The following LGR5 variants were observed in gnomAD, a reference collection of about 807,000 sequenced individuals.
LGR5 encodes leucine rich repeat containing G protein-coupled receptor 5, also known as leucine-rich repeat-containing G protein-coupled receptor 5.
Under a neutral mutation model 76.7 loss-of-function variants are expected in LGR5, and 54 were observed. The ratio of observed to expected loss-of-function variants is 0.70; its 90% CI spans 0.57 to 0.88. The LOEUF (loss-of-function observed/expected upper bound fraction) is 0.88, where lower values mean the gene tolerates loss of function less well. Among genes scored for constraint, LGR5 ranks in the 40% least tolerant of loss-of-function variants. The pLI, the probability that LGR5 is intolerant of heterozygous loss-of-function variation, is 0.00. For missense variants in LGR5, 1,078 were observed against 1,073.3 expected, an observed-to-expected ratio of 1.00 and a Z score of -0.06; for synonymous variants, 406 against 421.9, an observed-to-expected ratio of 0.96 and a Z score of 0.46.
intron 16 of LGR5, chr12:71,582,171 T>C: frequency 3.0e-6 from 1 of 328,080 alleles, no homozygotes; most frequent in Non-Finnish European, 5.8e-6. Flanking sequence ...CTCTGCAATG[T>C]GGGGACATCA....
At chr12:71,549,172 ACCAC>A (rs1235719954) in intron 4 of LGR5, among the ~76,000 whole-genome samples, 1 of 152,220 alleles carries the variant, frequency 6.6e-6, no homozygotes, top group Non-Finnish European at 1.5e-5. Context: ...TTGTGGAAGA[ACCAC>A]CTGTGTGAGT....
intron 4 of LGR5, among the ~76,000 whole-genome samples, chr12:71,538,393 A>G (rs140809800): frequency 1.5e-3 from 222 of 152,190 alleles, no homozygotes; most frequent in Non-Finnish European, 2.6e-3. Context: ...GCCTGCGCCT[A>G]TAATCCCAGC....
At chr12:71,451,846 A>T (rs1401567406) in intron 1 of LGR5, among the ~76,000 whole-genome samples, 2 of 152,164 alleles carry the variant, frequency 1.3e-5, no homozygotes, top group Admixed American at 1.3e-4. Context: ...TGGAGATAGC[A>T]AATGATTTTC....
chr12:71,515,798 T>C (rs1416266600), intron 2 of LGR5, among the ~76,000 whole-genome samples: 1 of 152,238 alleles, frequency 6.6e-6, no homozygotes, highest in Non-Finnish European at 1.5e-5. Flanking sequence ...AGTAGTCTGA[T>C]GAAATGTTTT....
At chr12:71,487,034 G>T (rs1457879431) in intron 1 of LGR5, among the ~76,000 whole-genome samples, 2 of 152,098 alleles carry the variant, frequency 1.3e-5, no homozygotes, top group African/African-American at 4.8e-5. Flanking sequence ...GACCATTTAG[G>T]TGGAAAACCT....
intron 2 of LGR5, among the ~76,000 whole-genome samples, chr12:71,514,018 G>A (rs577563962): frequency 1.5e-4 from 23 of 152,090 alleles, no homozygotes; most frequent in Non-Finnish European, 5.9e-5. Flanking sequence ...AGAGTGGTGC[G>A]TACCTGTAGT....
intron 2 of LGR5, among the ~76,000 whole-genome samples, chr12:71,513,342 A>G (rs1178001733): frequency 6.6e-6 from 1 of 152,180 alleles, no homozygotes; most frequent in East Asian, 1.9e-4. Context: ...GCAATGGGCA[A>G]TGGTTTTCTG....
In LGR5 at chr12:71,586,248, A is replaced by C. The variant is rs1177429392; in HGVS notation, c.*1514A>C. ...TATATAGTACTTGTAAATAGATTCC[A>C]AATTTGCTTTTCTATTGGGTAAAAA... On this transcript the variant is annotated 3_prime_UTR_variant, in exon 18 of 18. Coordinates refer to ENST00000266674, the MANE Select transcript of LGR5 (RefSeq NM_003667.4). 6.6e-6 allele frequency: 1 copy of C among 152,166 alleles called. No homozygotes were observed. Among genetic ancestry groups the C allele is most frequent in the African/African-American group, 2.4e-5 (1 of 41,440 alleles). The allele number at this position is 152,166 out of a possible 1,614,324, so 9.4% of individuals were successfully genotyped here.
chr12:71,453,921 G>A (rs962505480), intron 1 of LGR5, among the ~76,000 whole-genome samples: 15 of 152,044 alleles, frequency 9.9e-5, no homozygotes, highest in African/African-American at 3.6e-4. Context: ...ATCATTCCCT[G>A]AGAATAGTAG....
intron 3 of LGR5, among the ~76,000 whole-genome samples, chr12:71,525,743 A>G (rs1042216143): frequency 6.6e-6 from 1 of 151,746 alleles, no homozygotes. Flanking sequence ...TCCAGACATC[A>G]AATTATACTT....
At chr12:71,451,886 A>G (rs1299840833) in intron 1 of LGR5, among the ~76,000 whole-genome samples, 2 of 152,020 alleles carry the variant, frequency 1.3e-5, no homozygotes, top group South Asian at 4.2e-4. Flanking sequence ...ATGCAAACCA[A>G]CCAATCCAAA....
chr12:71,538,815 G>A (rs185807391), intron 4 of LGR5, among the ~76,000 whole-genome samples: 1 of 152,226 alleles, frequency 6.6e-6, no homozygotes, highest in East Asian at 1.9e-4. Flanking sequence ...CTATGATCCT[G>A]CCACTGCACT....
intron 1 of LGR5, among the ~76,000 whole-genome samples, chr12:71,481,951 C>T (rs984601082): frequency 2.6e-5 from 4 of 152,140 alleles, no homozygotes; most frequent in African/African-American, 9.7e-5. Context: ...AGATGCAGCG[C>T]ATCACTTTAG....
chr12:71,463,616 T>G (rs1394322075), intron 1 of LGR5, among the ~76,000 whole-genome samples: 1 of 152,168 alleles, frequency 6.6e-6, no homozygotes, highest in Non-Finnish European at 1.5e-5. Flanking sequence ...CAATGATGAT[T>G]ATTTAAGTCC....
chr12:71,556,408 G>C (rs538339080), intron 5 of LGR5, among the ~76,000 whole-genome samples: 1 of 152,182 alleles, frequency 6.6e-6, no homozygotes, highest in South Asian at 2.1e-4. Context: ...ATGTCCTGAA[G>C]CTAAAAGGTA....
At chr12:71,538,724 T>C (rs902317192) in intron 4 of LGR5, among the ~76,000 whole-genome samples, 4 of 151,622 alleles carry the variant, frequency 2.6e-5, no homozygotes, top group African/African-American at 9.7e-5. Flanking sequence ...CTGGGCGTCA[T>C]GTGCATGACT....
intron 1 of LGR5, among the ~76,000 whole-genome samples, chr12:71,473,463 CTGTT>C (rs537830606): frequency 3.8e-4 from 58 of 152,164 alleles, no homozygotes; most frequent in Middle Eastern, 3.4e-3. Flanking sequence ...ACTGCCCTGT[CTGTT>C]TTATTCATTT....
chr12:71,496,234 G>T (rs542639716), intron 1 of LGR5, among the ~76,000 whole-genome samples: 27 of 152,158 alleles, frequency 1.8e-4, no homozygotes, highest in African/African-American at 6.5e-4. Flanking sequence ...AGCTGGACGT[G>T]GTGGCACATG....
chr12:71,533,504 A>C (rs1213419132), intron 3 of LGR5, among the ~76,000 whole-genome samples: 1 of 152,156 alleles, frequency 6.6e-6, no homozygotes, highest in Non-Finnish European at 1.5e-5. Flanking sequence ...ACTAAACCAG[A>C]AACTTTGGGA....
Sources: allele counts gnomAD v4.1 joint callset (sites outside exome capture counted in the v4.1 genomes callset), GRCh38; gene constraint gnomAD v4.1.1; transcripts MANE v1.5; gene names NCBI Gene and HGNC (gene_info 2026-07-23, HGNC 2026-07-21).